E2F6: variants seen among roughly 807,000 people sequenced by gnomAD.
E2F6 encodes the protein E2F transcription factor 6.
E2F6 carries 19 observed loss-of-function variants against 31.5 expected under a neutral mutation model. The observed-to-expected ratio is 0.60, with a 90% CI of 0.42 to 0.89. The LOEUF is 0.89. Among genes scored for constraint, E2F6 ranks in the 40% least tolerant of loss-of-function variants. The pLI, the probability that E2F6 is intolerant of heterozygous loss-of-function variation, is 0.00. For missense variants in E2F6, 269 were observed against 341.6 expected, an observed-to-expected ratio of 0.79 and a Z score of 1.67; for synonymous variants, 121 against 127.7, an observed-to-expected ratio of 0.95 and a Z score of 0.36.
intron 1 of E2F6, among the ~76,000 whole-genome samples, chr2:11,460,780 AATACTGT>A (rs1267037320): frequency 6.6e-6 from 1 of 152,242 alleles, no homozygotes; most frequent in African/African-American, 2.4e-5. Context: ...TGACTGACTG[AATACTGT>A]AGATAACGGT....
chr2:11,452,964 T>A (rs1671163992), intron 3 of E2F6, among the ~76,000 whole-genome samples: 2 of 152,218 alleles, frequency 1.3e-5, no homozygotes, highest in African/African-American at 4.8e-5. Context: ...GCTGGTAGGT[T>A]TTCATTTGCC....
At chr2:11,457,913 G>A (rs1346782313) in intron 1 of E2F6, among the ~76,000 whole-genome samples, 4 of 152,154 alleles carry the variant, frequency 2.6e-5, no homozygotes, top group East Asian at 1.9e-4. Context: ...AAACTTTTGC[G>A]TTAGATAAAA....
intron 4 of E2F6, 88 bp downstream of exon 4, chr2:11,451,563 T>TA: frequency 7.7e-7 from 1 of 1,295,786 alleles, no homozygotes; most frequent in Non-Finnish European, 1.0e-6. Flanking sequence ...ATCTTAAATA[T>TA]ATAAATTAAG....
chr2:11,445,487 G>C lies in E2F6; in HGVS notation c.*990C>G, dbSNP rs1311845046. 6.6e-6 allele frequency: 1 copy of C among 152,624 alleles called. No homozygotes were observed. The highest frequency in any genetic ancestry group is 1.5e-5 in the Non-Finnish European group (1 of 68,050). 9.5% of individuals were successfully genotyped at this position (152,624 alleles called of 1,614,324 possible). ...AACAGCTAGGTATGTGAAAATGTGG[G>C]AGCAGAGCTGGAGAGAGGGCAAGGT... is the stretch of plus-strand genomic sequence containing the variant. On this transcript the variant is annotated 3_prime_UTR_variant, in exon 7 of 7. Coordinates refer to ENST00000381525, the MANE Select transcript of E2F6 (RefSeq NM_198256.4).
At chr2:11,459,803 G>C (rs1671653200) in intron 1 of E2F6, among the ~76,000 whole-genome samples, 1 of 152,120 alleles carries the variant, frequency 6.6e-6, no homozygotes. Flanking sequence ...AGAATCGCTT[G>C]AACCCGGGAG....
intron 2 of E2F6, among the ~76,000 whole-genome samples, chr2:11,454,616 T>C (rs1413819930): frequency 1.3e-5 from 2 of 152,130 alleles, no homozygotes; most frequent in East Asian, 3.9e-4. Context: ...CCCGAAGTAC[T>C]GGGATTACAG....
At chr2:11,455,495 A>T in intron 2 of E2F6, 1 of 1,291,290 alleles carries the variant, frequency 7.7e-7, no homozygotes, top group Non-Finnish European at 1.0e-6. Context: ...AATAGGCGTA[A>T]ATTAGGAATT....
At chr2:11,460,775 G>A (rs1387061062) in intron 1 of E2F6, among the ~76,000 whole-genome samples, 3 of 152,200 alleles carry the variant, frequency 2.0e-5, no homozygotes, top group Non-Finnish European at 4.4e-5. Flanking sequence ...GCATGTGACT[G>A]ACTGAATACT....
intron 3 of E2F6, among the ~76,000 whole-genome samples, chr2:11,452,955 C>A (rs952636689): frequency 4.6e-5 from 7 of 152,116 alleles, no homozygotes; most frequent in African/African-American, 1.7e-4. Flanking sequence ...ATGGTCTTTG[C>A]TGGTAGGTTT....
chr2:11,458,926 A>G (rs1489474301), intron 1 of E2F6, among the ~76,000 whole-genome samples: 1 of 152,184 alleles, frequency 6.6e-6, no homozygotes, highest in Non-Finnish European at 1.5e-5. Context: ...TCTCTCAAAC[A>G]GTGCTGACAA....
chr2:11,456,356 A>G (rs75703613), intron 2 of E2F6, among the ~76,000 whole-genome samples: 1,821 of 152,174 alleles, frequency 0.012, 43 homozygotes, highest in African/African-American at 0.043. Context: ...ACTGCCTTCT[A>G]AGAAGGAGAC....
At position 11,450,276 on chromosome 2, in the gene E2F6, A is replaced by T. The variant is rs540824227; in HGVS notation, c.537-150T>A. The T allele has an allele frequency of 1.3e-4, 53 of 420,454 alleles. 1 individual carries two copies. Among genetic ancestry groups the T allele is most frequent in the African/African-American group, 8.9e-4 (43 of 48,388 alleles). The allele number at this position is 420,454 out of a possible 1,614,324, so 26.0% of individuals were successfully genotyped here. On this transcript the variant is annotated intron_variant, in intron 4 of 6. Transcript: ENST00000381525. The stretch of plus-strand genomic sequence containing the variant: ...CCATTAAGGAAAGCAGTAAAAAAAA[A>T]AAAAATTCATTGATAATCTTTATTA...
At chr2:11,448,685 A>G (rs1420184290) in intron 5 of E2F6, among the ~76,000 whole-genome samples, 1 of 152,204 alleles carries the variant, frequency 6.6e-6, no homozygotes, top group East Asian at 1.9e-4. Context: ...TTTAATAGAT[A>G]TTTCTTAACA....
intron 4 of E2F6, 45 bp downstream of exon 4, chr2:11,451,606 G>C: frequency 6.4e-7 from 1 of 1,558,706 alleles, no homozygotes; most frequent in East Asian, 2.3e-5. Flanking sequence ...TAAGTAATCT[G>C]TTTTGGAAGC....
chr2:11,455,639 C>A (rs1046493004), intron 2 of E2F6, among the ~76,000 whole-genome samples: 7 of 152,108 alleles, frequency 4.6e-5, no homozygotes, highest in African/African-American at 1.7e-4. Context: ...GTCTTATATG[C>A]TCAGGATAAG....
chr2:11,464,859 G>C (rs953997597), intron 1 of E2F6, among the ~76,000 whole-genome samples: 2 of 152,122 alleles, frequency 1.3e-5, no homozygotes, highest in Admixed American at 6.5e-5. Context: ...AGGGGAACCA[G>C]GCATAATGAC....
intron 1 of E2F6, 129 bp downstream of exon 1, chr2:11,465,643 G>C: frequency 1.1e-6 from 1 of 883,248 alleles, no homozygotes. Context: ...CGCAGCACGT[G>C]ATGGGCAGCG....
At chr2:11,456,866 C>T (rs1157897900) in intron 2 of E2F6, 4 of 285,360 alleles carry the variant, frequency 1.4e-5, no homozygotes, top group Non-Finnish European at 2.6e-5. Context: ...TACATCCTAT[C>T]GCCTCTAACA....
chr2:11,462,880 A>G (rs774992063), intron 1 of E2F6, among the ~76,000 whole-genome samples: 38 of 152,230 alleles, frequency 2.5e-4, no homozygotes, highest in Non-Finnish European at 5.0e-4. Context: ...CCACAGGTTA[A>G]CTGAAATAAA....
Sources: gnomAD v4.1 joint callset for allele counts (sites outside exome capture counted in the v4.1 genomes callset) on GRCh38, gnomAD v4.1.1 for gene constraint, MANE v1.5 for transcripts, NCBI Gene and HGNC (gene_info 2026-07-23, HGNC 2026-07-21) for gene names.